Variants in HECTD2 observed in about 807,000 individuals in gnomAD.
HECTD2 encodes probable E3 ubiquitin-protein ligase HECTD2.
Under a neutral mutation model 103.2 loss-of-function variants are expected in HECTD2, and 35 were observed. The observed-to-expected ratio is 0.34, with a 90% confidence interval of 0.26 to 0.45. The LOEUF (loss-of-function observed/expected upper bound fraction) is 0.45, where lower values mean the gene tolerates loss of function less well. HECTD2 is among the 20% of genes least tolerant of loss of function. The pLI is 1.00. For synonymous variants in HECTD2, 281 were observed against 329.9 expected (o/e 0.85, Z 1.61); for missense variants, 596 against 937.4 (o/e 0.64, Z 4.76).
rs1564701738 is a variant in HECTD2 at position 91,428,188 on chromosome 10, GA to G, written c.268+2779del. 3.3e-5 allele frequency among the ~76,000 whole-genome samples: 5 copies of G among 151,616 alleles called. No individual in the cohort carries two copies. In the East Asian group the frequency reaches 9.7e-4, roughly 29 times the overall value. On this transcript the variant is annotated intron_variant, in intron 2 of 20. Coordinates refer to ENST00000298068, the MANE Select transcript of HECTD2 (RefSeq NM_182765.6). ...GTTTGTCAAAGATCAGATAGTTGTAGATATGTGGCGTTATTTCTGAGGGCTC... is the reference window on the plus strand; with the variant it reads ...GTTTGTCAAAGATCAGATAGTTGTAGTATGTGGCGTTATTTCTGAGGGCTC...
chr10:91,462,551 AATTTCAGATTC>A, intron 5 of HECTD2: 10 of 1,041,526 alleles, frequency 9.6e-6, no homozygotes, highest in Non-Finnish European at 1.2e-5. Context: ...TAAAATACAG[AATTTCAGATTC>A]AGTAGGTCTT....
At chr10:91,476,634 C>G (rs761202944) in intron 5 of HECTD2, among the ~76,000 whole-genome samples, 1 of 152,186 alleles carries the variant, frequency 6.6e-6, no homozygotes, top group Non-Finnish European at 1.5e-5. Context: ...GGGACTTGGC[C>G]AGGAAGGCCA....
At chr10:91,419,054 G>A (rs914431302) in intron 1 of HECTD2, among the ~76,000 whole-genome samples, 2 of 152,080 alleles carry the variant, frequency 1.3e-5, no homozygotes, top group South Asian at 2.1e-4. Flanking sequence ...AGTGAGATAC[G>A]GCTTTTAAAG....
intron 18 of HECTD2, among the ~76,000 whole-genome samples, chr10:91,499,705 A>G (rs149123459): frequency 1.3e-5 from 2 of 152,300 alleles, no homozygotes; most frequent in African/African-American, 4.8e-5. Flanking sequence ...GATACCTTTC[A>G]GTCACCCCAG....
At chr10:91,410,724 C>A in intron 1 of HECTD2, 148 bp downstream of exon 1, 1 of 727,226 alleles carries the variant, frequency 1.4e-6, no homozygotes, top group Non-Finnish European at 1.9e-6. Context: ...CTTCCTTGGG[C>A]AGAAATAAAA....
intron 20 of HECTD2, among the ~76,000 whole-genome samples, chr10:91,507,093 C>T (rs1304797805): frequency 1.3e-5 from 2 of 152,118 alleles, no homozygotes; most frequent in East Asian, 1.9e-4. Flanking sequence ...GCTAAAAACT[C>T]CCAATAAATT....
intron 2 of HECTD2, among the ~76,000 whole-genome samples, chr10:91,430,898 A>T (rs901661511): frequency 6.0e-5 from 9 of 151,030 alleles, no homozygotes; most frequent in Non-Finnish European, 8.8e-5. Context: ...TAATATCATT[A>T]TGTGTGAATT....
intron 20 of HECTD2, among the ~76,000 whole-genome samples, chr10:91,511,493 C>T (rs1398189049): frequency 6.6e-6 from 1 of 152,130 alleles, no homozygotes. Flanking sequence ...AACCATCAGT[C>T]CTCAACCTTT....
intron 11 of HECTD2, chr10:91,488,631 A>G (rs945049981): frequency 6.6e-6 from 1 of 152,156 alleles, no homozygotes; most frequent in Non-Finnish European, 1.5e-5. Flanking sequence ...GTATAAAAAG[A>G]ATCCTAAAGC....
At chr10:91,422,609 CAAA>C (rs1843401876) in intron 1 of HECTD2, among the ~76,000 whole-genome samples, 1 of 152,094 alleles carries the variant, frequency 6.6e-6, no homozygotes, top group South Asian at 2.1e-4. Context: ...TTTACTTTTT[CAAA>C]TATGTAACCT....
intron 5 of HECTD2, among the ~76,000 whole-genome samples, chr10:91,469,335 TG>T (rs113986375): frequency 5.3e-5 from 8 of 152,122 alleles, no homozygotes; most frequent in African/African-American, 1.9e-4. Flanking sequence ...AATGAAAAAA[TG>T]TTAAAGGCAG....
intron 19 of HECTD2, 31 bp from the exon 20 acceptor site, chr10:91,501,160 T>C: frequency 6.3e-7 from 1 of 1,589,582 alleles, no homozygotes; most frequent in Non-Finnish European, 8.6e-7. Flanking sequence ...TGTCAAGACA[T>C]TTGATGTTAA....
intron 8 of HECTD2, chr10:91,484,286 G>T: frequency 4.7e-6 from 5 of 1,057,450 alleles, no homozygotes; most frequent in Non-Finnish European, 6.8e-6. Context: ...TAAAATGTTT[G>T]TTACTAACTT....
intron 1 of HECTD2, among the ~76,000 whole-genome samples, chr10:91,411,691 A>G (rs977353765): frequency 3.3e-5 from 5 of 152,234 alleles, no homozygotes; most frequent in South Asian, 2.1e-4. Flanking sequence ...CTTTAAATCA[A>G]TGCAGCAAAT....
rs933684726 is a variant in HECTD2 at position 91,410,653 on chromosome 10, A to G, written c.138+77A>G. On this transcript the variant is annotated intron_variant, in intron 1 of 20. Transcript: ENST00000298068. ...GGACGGCGGCCGGGCGAGGGCCGTCAGGAGGCCTGCGTTTACCCTGGGCAC... is the reference window on the plus strand; with the variant it reads ...GGACGGCGGCCGGGCGAGGGCCGTCGGGAGGCCTGCGTTTACCCTGGGCAC... The G allele has an allele frequency of 5.4e-4, 692 of 1,274,028 alleles. 2 individuals carry two copies. The highest frequency in any genetic ancestry group is 3.7e-4 in the Non-Finnish European group (368 of 1,001,484). The allele number at this position is 1,274,028 out of a possible 1,614,324, so 78.9% of individuals were successfully genotyped here.
At chr10:91,422,264 C>CTCCCTAAT (rs1191898157) in intron 1 of HECTD2, among the ~76,000 whole-genome samples, 1 of 152,150 alleles carries the variant, frequency 6.6e-6, no homozygotes, top group Non-Finnish European at 1.5e-5. Flanking sequence ...ATTCCAACTA[C>CTCCCTAAT]ACTGCTCCCT....
chr10:91,424,765 A>C (rs188094301), intron 1 of HECTD2, among the ~76,000 whole-genome samples: 1 of 152,084 alleles, frequency 6.6e-6, no homozygotes, highest in East Asian at 1.9e-4. Context: ...GGTATGCCCA[A>C]TCACAGTGCT....
intron 20 of HECTD2, among the ~76,000 whole-genome samples, chr10:91,504,049 G>C (rs1847033435): frequency 6.6e-6 from 1 of 152,072 alleles, no homozygotes; most frequent in South Asian, 2.1e-4. Context: ...TACTCCAACA[G>C]ACCTGCACCT....
At chr10:91,463,849 A>G (rs773466307) in intron 5 of HECTD2, among the ~76,000 whole-genome samples, 22 of 152,244 alleles carry the variant, frequency 1.4e-4, no homozygotes, top group Non-Finnish European at 2.8e-4. Context: ...GTAAGTATAA[A>G]TTGGTACAAC....
Sources: gnomAD v4.1 joint callset for allele counts (sites outside exome capture counted in the v4.1 genomes callset) on GRCh38, gnomAD v4.1.1 for gene constraint, MANE v1.5 for transcripts, NCBI Gene and HGNC (gene_info 2026-07-23, HGNC 2026-07-21) for gene names.